Variants in EEA1 observed in about 807,000 individuals in gnomAD.
The protein encoded by EEA1 is early endosome antigen 1, 162kD.
Under a neutral mutation model 209.2 loss-of-function variants are expected in EEA1, and 111 were observed. That is an observed-to-expected ratio of 0.53 (90% CI 0.45 to 0.62). The LOEUF (loss-of-function observed/expected upper bound fraction) is 0.62, where lower values mean the gene tolerates loss of function less well. EEA1 is among the 20% of genes least tolerant of loss of function. The pLI is 0.00. For missense variants in EEA1, 1,343 were observed against 1,530.8 expected, an observed-to-expected ratio of 0.88 and a Z score of 2.05; for synonymous variants, 536 against 540.6, an observed-to-expected ratio of 0.99 and a Z score of 0.12.
intron 18 of EEA1, among the ~76,000 whole-genome samples, chr12:92,804,854 A>T (rs1349165810): frequency 6.6e-6 from 1 of 152,096 alleles, no homozygotes; most frequent in Non-Finnish European, 1.5e-5. Context: ...CTATATGTTT[A>T]TCTGATATAA....
intron 12 of EEA1, among the ~76,000 whole-genome samples, chr12:92,826,571 C>T (rs1345516304): frequency 2.6e-5 from 4 of 151,458 alleles, no homozygotes; most frequent in Non-Finnish European, 4.4e-5. Context: ...AAAAATTAGC[C>T]GGGCATGGTG....
chr12:92,849,866 C>A (rs998019180), intron 9 of EEA1, among the ~76,000 whole-genome samples: 3 of 151,948 alleles, frequency 2.0e-5, no homozygotes, highest in Non-Finnish European at 4.4e-5. Context: ...ACTTTTTAAA[C>A]TGAAAATATG....
intron 13 of EEA1, chr12:92,821,147 G>A (rs911693362): frequency 6.6e-6 from 1 of 152,066 alleles, no homozygotes; most frequent in Non-Finnish European, 1.5e-5. Flanking sequence ...AGATAATTAA[G>A]AGCATAGCCT....
chr12:92,857,427 T>A lies in EEA1; in HGVS notation c.300+4A>T. 1 of 1,593,430 alleles carries A rather than the reference T, an allele frequency of 6.3e-7. No individual in the cohort carries two copies. ...TAAAAAGGTATAACAATTTTTATTC[T>A]TACCTTAAGTGAAGCCTGTAGGTCT... On this transcript the variant is annotated splice_donor_region_variant and intron_variant, in intron 4 of 28. Coordinates refer to ENST00000322349, the MANE Select transcript of EEA1 (RefSeq NM_003566.4).
At chr12:92,838,497 A>C (rs1162266179) in intron 10 of EEA1, among the ~76,000 whole-genome samples, 1 of 152,218 alleles carries the variant, frequency 6.6e-6, no homozygotes, top group African/African-American at 2.4e-5. Flanking sequence ...TTCTACGTGT[A>C]GTTTGACAGG....
chr12:92,880,697 G>A (rs995253115), intron 2 of EEA1, among the ~76,000 whole-genome samples: 3 of 152,070 alleles, frequency 2.0e-5, no homozygotes, highest in Non-Finnish European at 2.9e-5. Context: ...GGATGGTCTC[G>A]ATCTCCTGAC....
chr12:92,853,122 TAAG>T, intron 6 of EEA1, 97 bp from the exon 7 acceptor site: 1 of 749,716 alleles, frequency 1.3e-6, no homozygotes, highest in South Asian at 2.2e-5. Context: ...ATGATCAACT[TAAG>T]TTTATTATCC....
At chr12:92,863,006 T>C (rs1878219236) in intron 3 of EEA1, among the ~76,000 whole-genome samples, 1 of 152,206 alleles carries the variant, frequency 6.6e-6, no homozygotes, top group Admixed American at 6.5e-5. Flanking sequence ...AGTTGGGAGA[T>C]AATTCTAGGT....
chr12:92,808,522 G>A (rs370362786), intron 18 of EEA1, among the ~76,000 whole-genome samples: 3 of 146,426 alleles, frequency 2.0e-5, no homozygotes, highest in African/African-American at 2.5e-5. Context: ...TCACTTTGTC[G>A]CCCAGGCTGG....
intron 18 of EEA1, among the ~76,000 whole-genome samples, chr12:92,804,557 G>C (rs7132999): frequency 0.16 from 21,321 of 132,682 alleles, 2,382 homozygotes; most frequent in East Asian, 0.55. Context: ...GGGCGACAGA[G>C]TGAGACTCTG....
chr12:92,832,550 C>T lies in EEA1; in HGVS notation c.1216G>A (p.Glu406Lys), dbSNP rs1724765181. ...CTTTGGAGTTGTAACCCATGCTGCT[C>T]CTTTTCTTCTCTCTGTTGTTGTAGC... ...KQLQQQREEK[E>K]QHGLQLQSEI... The change falls in exon 11 of 29, where the codon GAG (glutamate) becomes AAG (lysine). Residue 406 changes from glutamate to lysine, a missense_variant. By Grantham distance (56) the Glu-to-Lys change is moderately conservative. Coordinates refer to ENST00000322349, the MANE Select transcript of EEA1 (RefSeq NM_003566.4). 2 of 1,613,462 alleles carry T rather than the reference C, an allele frequency of 1.2e-6. No individual in the cohort carries two copies. Among genetic ancestry groups the T allele is most frequent in the Admixed American group, 1.7e-5 (1 of 59,908 alleles).
intron 21 of EEA1, among the ~76,000 whole-genome samples, chr12:92,794,260 G>A (rs1369065209): frequency 6.6e-6 from 1 of 152,204 alleles, no homozygotes; most frequent in Admixed American, 6.5e-5. Flanking sequence ...GGAGAAACAG[G>A]AACACTTTTA....
intron 21 of EEA1, among the ~76,000 whole-genome samples, chr12:92,796,477 G>A (rs951908517): frequency 6.9e-6 from 1 of 144,742 alleles, no homozygotes. Context: ...ATATATATAT[G>A]CAGAAAATGT....
rs979735456 is a variant in EEA1, at chr12:92,781,984, C to T, written c.3302G>A (p.Arg1101Gln). 3 of 1,613,044 alleles carry T rather than the reference C, an allele frequency of 1.9e-6. No individual in the cohort carries two copies. Among genetic ancestry groups the T allele is most frequent in the Non-Finnish European group, 2.5e-6 (3 of 1,179,316 alleles). Reference protein sequence around the residue: ...SAKKEQQLQERCKALQDIQKE... With the variant: ...SAKKEQQLQEQCKALQDIQKE... ...CTGAATGTCTTGTAGTGCTTTACAT[C>T]GCTCCTGCAATTGCTGTTCTTTCTT... The change falls in exon 23 of 29, where the codon CGA becomes CAA. Residue 1101 changes from arginine (R) to glutamine (Q), a missense_variant. By Grantham distance (43) the Arg-to-Gln change is conservative. This residue lies in a region of EEA1 where 1,307 missense variants were observed against 1,465.5 expected (regional missense o/e 0.89). Coordinates refer to ENST00000322349, the MANE Select transcript of EEA1 (RefSeq NM_003566.4).
rs140297719 is a variant in EEA1 at position 92,881,887 on chromosome 12, T to A, written c.117+9742A>T. ...TCGAACACCGCAAGTTTGAACAGTG[T>A]GGGTCCACTTACACGTGGATTTTCT... On this transcript the variant is annotated intron_variant, in intron 2 of 28. Coordinates refer to ENST00000322349, the MANE Select transcript of EEA1 (RefSeq NM_003566.4). Among the ~76,000 whole-genome samples the A allele has an allele frequency of 6.6e-5, 10 of 152,294 alleles. No individual in the cohort carries two copies. In the East Asian group the frequency reaches 1.7e-3, roughly 26 times the overall value.
At chr12:92,861,085 C>T (rs772117855) in intron 3 of EEA1, among the ~76,000 whole-genome samples, 1 of 152,156 alleles carries the variant, frequency 6.6e-6, no homozygotes, top group Non-Finnish European at 1.5e-5. Flanking sequence ...AAGGGTCAAA[C>T]TGACAAAGAA....
chr12:92,843,401 C>T (rs1877256997), intron 9 of EEA1, among the ~76,000 whole-genome samples: 1 of 152,124 alleles, frequency 6.6e-6, no homozygotes, highest in Non-Finnish European at 1.5e-5. Flanking sequence ...TCAAGCGACT[C>T]TCCCACTACG....
chr12:92,848,178 C>T (rs1025125269), intron 9 of EEA1, among the ~76,000 whole-genome samples: 8 of 150,746 alleles, frequency 5.3e-5, no homozygotes, highest in African/African-American at 1.7e-4. Flanking sequence ...AATGAAAACA[C>T]GAAGAACTGA....
In EEA1 at chr12:92,826,113, T is replaced by C. The variant is rs966730321; in HGVS notation, c.1524+53A>G. On this transcript the variant is annotated intron_variant, in intron 13 of 28. Coordinates refer to ENST00000322349, the MANE Select transcript of EEA1 (RefSeq NM_003566.4). ...ATTTTATTTTTTCTCTTATATTCTA[T>C]GTAATGGTAATTAATTTGTGTTTAC... 1.0e-5 allele frequency: 16 copies of C among 1,586,390 alleles called. No homozygotes were observed. In the East Asian group the frequency reaches 1.3e-4, roughly 13 times the overall value.
Sources: allele counts gnomAD v4.1 joint callset (sites outside exome capture counted in the v4.1 genomes callset), GRCh38; gene constraint gnomAD v4.1.1; regional missense constraint gnomAD v4.1.1; transcripts MANE v1.5; gene names NCBI Gene and HGNC (gene_info 2026-07-23, HGNC 2026-07-21).